The following LRRN1 variants were observed in gnomAD, a reference collection of about 807,000 sequenced individuals.
LRRN1 encodes the protein leucine-rich repeat neuronal protein 1.
Under a neutral mutation model 45.8 loss-of-function variants are expected in LRRN1, and 14 were observed. That is an observed-to-expected ratio of 0.31 (90% confidence interval 0.20 to 0.48). The LOEUF is 0.48. Ranked by LOEUF, LRRN1 falls within the 20% of genes least tolerant of loss-of-function variation. The pLI is 0.99. For synonymous variants in LRRN1, 359 were observed against 330.1 expected, an observed-to-expected ratio of 1.09 and a Z score of -0.95; for missense variants, 789 against 874.2, an observed-to-expected ratio of 0.90 and a Z score of 1.23.
At chr3:3,834,525 G>GACATATATATAT (rs750534210) in intron 1 of LRRN1, among the ~76,000 whole-genome samples, 570 of 27,324 alleles carry the variant, frequency 0.021, 47 homozygotes, top group East Asian at 0.041. Flanking sequence ...GACAGAACAG[G>GACATATATATAT]ATATATATAT....
At chr3:3,812,217 G>T (rs1692889368) in intron 1 of LRRN1, among the ~76,000 whole-genome samples, 1 of 152,184 alleles carries the variant, frequency 6.6e-6, no homozygotes, top group Non-Finnish European at 1.5e-5. Context: ...TGAGATAAAA[G>T]CAATAATCCA....
chr3:3,822,124 T>G (rs189402309), intron 1 of LRRN1, among the ~76,000 whole-genome samples: 19 of 152,348 alleles, frequency 1.2e-4, no homozygotes, highest in Admixed American at 1.0e-3. Flanking sequence ...TAGTTCATTT[T>G]ATTTTTCTGA....
chr3:3,819,151 C>CTAATTTTTG (rs1402390279), intron 1 of LRRN1, among the ~76,000 whole-genome samples: 1 of 152,004 alleles, frequency 6.6e-6, no homozygotes, highest in African/African-American at 2.4e-5. Context: ...CCATGCCTGG[C>CTAATTTTTG]TAATTTTTGT....
chr3:3,806,172 G>A (rs1023268073), intron 1 of LRRN1, among the ~76,000 whole-genome samples: 1 of 152,134 alleles, frequency 6.6e-6, no homozygotes, highest in Admixed American at 6.6e-5. Context: ...GAAGCCCCAC[G>A]ACGGAGAATT....
intron 1 of LRRN1, among the ~76,000 whole-genome samples, chr3:3,825,593 A>G (rs944361922): frequency 2.0e-5 from 3 of 152,186 alleles, no homozygotes; most frequent in African/African-American, 7.2e-5. Context: ...GAAATTTAAC[A>G]TGGTCAGATT....
chr3:3,819,635 A>T (rs1225895863), intron 1 of LRRN1, among the ~76,000 whole-genome samples: 1 of 152,102 alleles, frequency 6.6e-6, no homozygotes, highest in East Asian at 1.9e-4. Flanking sequence ...CACCAGTCAT[A>T]TTGGATTAGG....
At position 3,816,795 on chromosome 3, in the gene LRRN1, C is replaced by T. The variant is rs1692995639; in HGVS notation, c.-279+16876C>T. Among the ~76,000 whole-genome samples, 2 of 152,272 alleles carry T rather than the reference C, an allele frequency of 1.3e-5. No individual in the cohort carries two copies. Among genetic ancestry groups the T allele is most frequent in the South Asian group, 4.1e-4 (2 of 4,828 alleles). On this transcript the variant is annotated intron_variant, in intron 1 of 1. Coordinates refer to ENST00000319331, the MANE Select transcript of LRRN1 (RefSeq NM_020873.7). The surrounding 1 kb of genome is among the most constrained non-coding windows in gnomAD (Gnocchi z 4.0). ...GTCTAAAAGAAGGCTGCAATGTACT[C>T]TTGGGGTCCAATAAGACAATTAAGG...
intron 1 of LRRN1, 88 bp downstream of exon 1, chr3:3,800,007 A>C (rs1025965565): frequency 1.1e-4 from 17 of 152,880 alleles, no homozygotes; most frequent in Non-Finnish European, 2.3e-4. Context: ...GGGAGACCCT[A>C]CGGGGTCTGG....
chr3:3,830,679 C>T (rs1382011471), intron 1 of LRRN1, among the ~76,000 whole-genome samples: 2 of 152,182 alleles, frequency 1.3e-5, no homozygotes, highest in Non-Finnish European at 2.9e-5. Context: ...TGAGCCACTT[C>T]CTTATGTAAC....
chr3:3,808,025 G>C (rs1374414910), intron 1 of LRRN1, among the ~76,000 whole-genome samples: 7 of 152,190 alleles, frequency 4.6e-5, no homozygotes, highest in East Asian at 3.9e-4. Context: ...GTGGGCAAAG[G>C]CTGGTGGGAT....
At chr3:3,832,711 G>A (rs1235887159) in intron 1 of LRRN1, among the ~76,000 whole-genome samples, 1 of 152,172 alleles carries the variant, frequency 6.6e-6, no homozygotes, top group African/African-American at 2.4e-5. Flanking sequence ...TCATTCAAGT[G>A]GTTCTGGTTC....
chr3:3,841,556 T>C (rs542611462), intron 1 of LRRN1, among the ~76,000 whole-genome samples: 13 of 152,228 alleles, frequency 8.5e-5, no homozygotes, highest in African/African-American at 3.1e-4. Context: ...TCTTGCTCTG[T>C]TGCCCAGGCT....
intron 1 of LRRN1, chr3:3,801,162 G>C (rs1575275130): frequency 1.3e-5 from 2 of 152,280 alleles, no homozygotes; most frequent in East Asian, 3.9e-4. Context: ...GCCTGGCCGT[G>C]AGTGAACGAC....
Position 3,843,575 on chromosome 3 carries a change from C to CA in LRRN1, c.-278-789_-278-788insA, listed in dbSNP as rs997031273. The stretch of plus-strand genomic sequence containing the variant: ...TTAGCACCCTTCCCACTGTACCCCC[C>CA]CCCATACCCCTGGCCATAGGCAACT... On this transcript the variant is annotated intron_variant, in intron 1 of 1. Coordinates refer to ENST00000319331, the MANE Select transcript of LRRN1 (RefSeq NM_020873.7). 7.9e-5 allele frequency among the ~76,000 whole-genome samples: 12 copies of CA among 151,414 alleles called. No individual in the cohort carries two copies. The East Asian group carries it at 1.6e-3, about 20-fold the overall frequency.
At chr3:3,821,828 C>T (rs1164874929) in intron 1 of LRRN1, among the ~76,000 whole-genome samples, 1 of 152,178 alleles carries the variant, frequency 6.6e-6, no homozygotes, top group Non-Finnish European at 1.5e-5. Flanking sequence ...CTAGAAAGCA[C>T]ATTTGAATTG....
intron 1 of LRRN1, among the ~76,000 whole-genome samples, chr3:3,808,762 C>T (rs546048954): frequency 2.0e-5 from 3 of 151,412 alleles, no homozygotes; most frequent in African/African-American, 4.8e-5. Flanking sequence ...TACATAATTC[C>T]ATATTAAAGT....
chr3:3,819,804 T>G (rs1693065946), intron 1 of LRRN1, among the ~76,000 whole-genome samples: 1 of 152,182 alleles, frequency 6.6e-6, no homozygotes, highest in Non-Finnish European at 1.5e-5. Flanking sequence ...AACAAGCATT[T>G]TGACCCAGAT....
chr3:3,810,091 G>T (rs1309783094), intron 1 of LRRN1, among the ~76,000 whole-genome samples: 3 of 152,190 alleles, frequency 2.0e-5, no homozygotes, highest in African/African-American at 4.8e-5. Context: ...TGCTTTGAAA[G>T]AATTGGCAAA....
chr3:3,827,660 G>A (rs1292694154), intron 1 of LRRN1, among the ~76,000 whole-genome samples: 1 of 152,126 alleles, frequency 6.6e-6, no homozygotes, highest in Non-Finnish European at 1.5e-5. Flanking sequence ...GATGTTTTTT[G>A]AACATTATCT....
Sources: allele counts gnomAD v4.1 joint callset (sites outside exome capture counted in the v4.1 genomes callset), GRCh38; gene constraint gnomAD v4.1.1; non-coding constraint Gnocchi (gnomAD v3.1); transcripts MANE v1.5; gene names NCBI Gene and HGNC (gene_info 2026-07-23, HGNC 2026-07-21).